Variants in ANKRD18B observed in about 807,000 individuals in gnomAD.
The protein encoded by ANKRD18B is ankyrin repeat domain-containing protein 18B.
ANKRD18B carries 75 observed loss-of-function variants against 111.8 expected under a neutral mutation model. That is an observed-to-expected ratio of 0.67 (90% CI 0.56 to 0.81). The LOEUF is 0.81. Among genes scored for constraint, ANKRD18B ranks in the 40% least tolerant of loss-of-function variants. The pLI is 0.00. For missense variants in ANKRD18B, 1,038 were observed against 1,225.5 expected (o/e 0.85, Z 2.28); for synonymous variants, 356 against 417.3 (o/e 0.85, Z 1.79).
chr9:33,533,956 C>T (rs1828155835), intron 4 of ANKRD18B: 1 of 152,434 alleles, frequency 6.6e-6, no homozygotes, highest in Non-Finnish European at 1.4e-5. Flanking sequence ...CTGTTGTTTT[C>T]AGCCTGCAGA....
chr9:33,532,420 AAAAGT>A (rs1474499504), intron 3 of ANKRD18B, among the ~76,000 whole-genome samples: 6 of 152,212 alleles, frequency 3.9e-5, no homozygotes, highest in South Asian at 2.1e-4. Flanking sequence ...AATGGATTTA[AAAAGT>A]AAAGTTGCAT....
intron 12 of ANKRD18B, among the ~76,000 whole-genome samples, chr9:33,554,906 G>A (rs1050487893): frequency 2.0e-4 from 30 of 151,834 alleles, no homozygotes; most frequent in African/African-American, 7.2e-4. Flanking sequence ...AATTGTGACA[G>A]GTTCATAACT....
intron 15 of ANKRD18B, among the ~76,000 whole-genome samples, 159 bp downstream of exon 15, chr9:33,566,659 T>C (rs1423083632): frequency 6.6e-6 from 1 of 152,166 alleles, no homozygotes; most frequent in African/African-American, 2.4e-5. Flanking sequence ...TCCTTTTAAA[T>C]ATTTAAATTT....
chr9:33,528,461 A>G lies in ANKRD18B; in HGVS notation c.207-266A>G, dbSNP rs57427074. On this transcript the variant is annotated intron_variant, in intron 1 of 18. Coordinates refer to ENST00000684830, the MANE Select transcript of ANKRD18B (RefSeq NM_001393611.1). ...AAATTCAGGCACAGAAAGGCTAAGC[A>G]ATAGCTGGTAGGTGACCGAGTTCAA... is the stretch of plus-strand genomic sequence containing the variant. Among the ~76,000 whole-genome samples the G allele has an allele frequency of 3.8e-3, 582 of 152,380 alleles. 3 individuals are homozygous for G. The highest frequency in any genetic ancestry group is 0.013 in the African/African-American group (546 of 41,586).
At chr9:33,547,444 A>G (rs1281191529) in intron 10 of ANKRD18B, among the ~76,000 whole-genome samples, 3 of 152,196 alleles carry the variant, frequency 2.0e-5, no homozygotes, top group Non-Finnish European at 2.9e-5. Context: ...AAATCACAAT[A>G]GAATATGATC....
intron 6 of ANKRD18B, 31 bp from the exon 7 acceptor site, chr9:33,539,418 A>G (rs1238597157): frequency 1.2e-5 from 2 of 165,372 alleles, no homozygotes; most frequent in Non-Finnish European, 2.9e-5. Context: ...TTTGGCAGAA[A>G]TAGTATCTAA....
chr9:33,552,744 T>TA (rs1184616388), intron 12 of ANKRD18B, among the ~76,000 whole-genome samples: 4 of 150,580 alleles, frequency 2.7e-5, no homozygotes, highest in Admixed American at 6.6e-5. Context: ...GGTCAAGAGA[T>TA]AAAAAAGAGT....
At chr9:33,525,821 AAATAT>A (rs1357744603) in intron 1 of ANKRD18B, among the ~76,000 whole-genome samples, 2 of 149,624 alleles carry the variant, frequency 1.3e-5, no homozygotes, top group Non-Finnish European at 3.0e-5. Flanking sequence ...ATTCTTTATT[AAATAT>A]AATATATATA....
At chr9:33,530,048 C>T (rs1296026106) in intron 3 of ANKRD18B, among the ~76,000 whole-genome samples, 3 of 152,106 alleles carry the variant, frequency 2.0e-5, no homozygotes, top group Admixed American at 2.0e-4. Context: ...CCCTGTTATA[C>T]CCACACCCAG....
At chr9:33,549,255 TTAG>T (rs2118063688) in intron 11 of ANKRD18B, among the ~76,000 whole-genome samples, 1 of 152,328 alleles carries the variant, frequency 6.6e-6, no homozygotes, top group Non-Finnish European at 1.5e-5. Flanking sequence ...CGAAGCTGTT[TTAG>T]TAAACCAAAA....
At chr9:33,561,781 T>G (rs746886015) in intron 14 of ANKRD18B, among the ~76,000 whole-genome samples, 2 of 152,196 alleles carry the variant, frequency 1.3e-5, no homozygotes, top group South Asian at 4.1e-4. Flanking sequence ...CTTTTCCCAT[T>G]CTGTTTTTTT....
At chr9:33,529,977 G>T (rs527411017) in intron 3 of ANKRD18B, among the ~76,000 whole-genome samples, 1 of 152,254 alleles carries the variant, frequency 6.6e-6, no homozygotes, top group East Asian at 1.9e-4. Flanking sequence ...ATCTTGATGG[G>T]AATGTGGGAG....
At chr9:33,570,700 T>C (rs1269294663) in intron 17 of ANKRD18B, among the ~76,000 whole-genome samples, 2 of 151,220 alleles carry the variant, frequency 1.3e-5, no homozygotes, top group South Asian at 2.1e-4. Context: ...TGCCGTGGCA[T>C]GATCTCGGCT....
chr9:33,554,025 T>A (rs1175236288), intron 12 of ANKRD18B, among the ~76,000 whole-genome samples: 2 of 150,478 alleles, frequency 1.3e-5, no homozygotes, highest in Non-Finnish European at 3.0e-5. Context: ...TGAGCCGACA[T>A]GGCACCACTG....
intron 3 of ANKRD18B, among the ~76,000 whole-genome samples, chr9:33,531,765 T>C (rs997410073): frequency 1.3e-5 from 2 of 151,516 alleles, no homozygotes; most frequent in African/African-American, 4.9e-5. Context: ...CCCTCAATTA[T>C]AGAGTTGAAT....
chr9:33,569,117 G>A (rs1354248109), intron 17 of ANKRD18B: 4 of 403,936 alleles, frequency 9.9e-6, no homozygotes, highest in Non-Finnish European at 1.7e-5. Context: ...AATAAATGTG[G>A]TTAAACTGAC....
rs1240956416 is a variant in ANKRD18B at position 33,548,622 on chromosome 9, T to A, written c.1834T>A (p.Ser612Thr). Residue 612 changes from serine (S) to threonine (T), a missense_variant, in exon 11 of 19, where the codon TCT becomes ACT. Transcript: ENST00000684830. ...AAGTCAATCCATTGGAAAGCAGAAC[T>A]CTTCAGAGGAGAGAATACGTCAACG... is the stretch of plus-strand genomic sequence containing the variant. Reference protein sequence around the residue: ...KESQSIGKQNSSEERIRQREL... With the variant: ...KESQSIGKQNTSEERIRQREL... 1 of 1,551,348 alleles carries A rather than the reference T, an allele frequency of 6.4e-7. No individual in the cohort carries two copies. Among genetic ancestry groups the A allele is most frequent in the Non-Finnish European group, 8.7e-7 (1 of 1,146,686 alleles).
chr9:33,567,094 T>G lies in ANKRD18B; in HGVS notation c.2743-9T>G. On this transcript the variant is annotated splice_polypyrimidine_tract_variant and intron_variant, in intron 15 of 18. Coordinates refer to ENST00000684830, the MANE Select transcript of ANKRD18B (RefSeq NM_001393611.1). ...TGTTTTAAAAGTGTATTCTTTTCAT[T>G]TGTTTTAGAAACAAGCAGAATATGA... 1 of 1,513,994 alleles carries G rather than the reference T, an allele frequency of 6.6e-7. No homozygotes were observed. The highest frequency in any genetic ancestry group is 8.8e-7 in the Non-Finnish European group (1 of 1,131,692). 93.8% of individuals were successfully genotyped at this position (1,513,994 alleles called of 1,614,324 possible).
chr9:33,528,864 T>A, intron 2 of ANKRD18B, 23 bp downstream of exon 2: 1 of 1,582,916 alleles, frequency 6.3e-7, no homozygotes, highest in Non-Finnish European at 8.6e-7. Context: ...CAACTCAGCA[T>A]GAAATGGATT....
Sources: allele counts gnomAD v4.1 joint callset (sites outside exome capture counted in the v4.1 genomes callset), GRCh38; gene constraint gnomAD v4.1.1; transcripts MANE v1.5; gene names NCBI Gene and HGNC (gene_info 2026-07-23, HGNC 2026-07-21).